The following PAK5 variants were observed in gnomAD, a reference collection of about 807,000 sequenced individuals.
The protein encoded by PAK5 is p21 (RAC1) activated kinase 5.
In PAK5, 16 loss-of-function variants were observed where a neutral mutation model predicts 65.9. That is an observed-to-expected ratio of 0.24 (90% confidence interval 0.16 to 0.37). PAK5 has a LOEUF of 0.37. PAK5 is among the 10% of genes least tolerant of loss of function. The pLI, the probability that PAK5 is intolerant of heterozygous loss-of-function variation, is 1.00. For missense variants in PAK5, 785 were observed against 903.9 expected (o/e 0.87, Z 1.69); for synonymous variants, 371 against 354.9 (o/e 1.05, Z -0.51).
At chr20:9,699,371 C>T (rs1007420533) in intron 2 of PAK5, among the ~76,000 whole-genome samples, 6 of 151,862 alleles carry the variant, frequency 4.0e-5, no homozygotes, top group African/African-American at 1.5e-4. Context: ...CAATTGCTTC[C>T]TTTCAAGGCT....
At chr20:9,726,826 G>T (rs1485244950) in intron 1 of PAK5, among the ~76,000 whole-genome samples, 1 of 151,904 alleles carries the variant, frequency 6.6e-6, no homozygotes, top group Non-Finnish European at 1.5e-5. Flanking sequence ...AGAACTTAAA[G>T]TAAAAGAAAA....
intron 2 of PAK5, among the ~76,000 whole-genome samples, chr20:9,664,491 G>A (rs745979450): frequency 2.0e-5 from 3 of 152,108 alleles, no homozygotes; most frequent in African/African-American, 4.8e-5. Flanking sequence ...CTGACAAACT[G>A]CAATATTACA....
intron 3 of PAK5, among the ~76,000 whole-genome samples, chr20:9,599,707 T>A (rs1357019169): frequency 6.6e-6 from 1 of 152,150 alleles, no homozygotes; most frequent in Non-Finnish European, 1.5e-5. Context: ...GGGCTGTTTC[T>A]TTTTATTGTT....
intron 1 of PAK5, among the ~76,000 whole-genome samples, chr20:9,716,206 T>C (rs2048145389): frequency 1.3e-5 from 1 of 77,318 alleles, no homozygotes; most frequent in Non-Finnish European, 2.7e-5. Context: ...ATTGCTAGGA[T>C]CACTAGGACT....
At chr20:9,799,592 T>C (rs1328033105) in intron 1 of PAK5, among the ~76,000 whole-genome samples, 1 of 152,042 alleles carries the variant, frequency 6.6e-6, no homozygotes, top group South Asian at 2.1e-4. Context: ...GATACCACAG[T>C]GTGAGACAGA....
chr20:9,591,830 G>T (rs2046177107), intron 3 of PAK5, among the ~76,000 whole-genome samples: 2 of 151,202 alleles, frequency 1.3e-5, no homozygotes, highest in South Asian at 4.2e-4. Context: ...TTAAATTTCT[G>T]TTGTTGTTGT....
intron 7 of PAK5, among the ~76,000 whole-genome samples, chr20:9,548,733 C>A (rs527940209): frequency 6.6e-6 from 1 of 152,316 alleles, no homozygotes; most frequent in African/African-American, 2.4e-5. Context: ...GAAGCTCTTT[C>A]TGAAAACATC....
intron 1 of PAK5, among the ~76,000 whole-genome samples, chr20:9,774,731 C>T (rs1569083187): frequency 6.6e-6 from 1 of 151,968 alleles, no homozygotes. Flanking sequence ...ATCACGAGGT[C>T]AGGAGATCGA....
rs137876475 is a variant in PAK5 at position 9,552,138 on chromosome 20, A to G, written c.1743+5470T>C. 3.8e-3 allele frequency among the ~76,000 whole-genome samples: 581 copies of G among 152,328 alleles called. 2 individuals are homozygous for G. Among genetic ancestry groups the G allele is most frequent in the African/African-American group, 0.014 (562 of 41,558 alleles). On this transcript the variant is annotated intron_variant, in intron 7 of 9. Coordinates refer to ENST00000353224, the MANE Select transcript of PAK5 (RefSeq NM_177990.4). ...GGAAGACAGGAATCTGACATTTTAT[A>G]TGACATCTTCCAAGTTTTGATTTGT...
At chr20:9,735,418 G>A (rs1050867628) in intron 1 of PAK5, among the ~76,000 whole-genome samples, 1 of 152,160 alleles carries the variant, frequency 6.6e-6, no homozygotes, top group Admixed American at 6.6e-5. Context: ...TGAGGCTGAG[G>A]AAAGAACCAC....
intron 1 of PAK5, among the ~76,000 whole-genome samples, chr20:9,812,883 A>T (rs1348597127): frequency 6.6e-6 from 1 of 152,172 alleles, no homozygotes; most frequent in Non-Finnish European, 1.5e-5. Context: ...CCCTGATTTG[A>T]TATTACACAT....
chr20:9,724,295 T>G (rs2423438), intron 1 of PAK5, among the ~76,000 whole-genome samples: 73,015 of 151,968 alleles, frequency 0.48, 17,688 homozygotes, highest in South Asian at 0.63. Flanking sequence ...CAAGTGTAAG[T>G]TTTCAAGGCA....
At chr20:9,590,016 C>G (rs949899043) in intron 3 of PAK5, among the ~76,000 whole-genome samples, 2 of 151,770 alleles carry the variant, frequency 1.3e-5, no homozygotes, top group Non-Finnish European at 2.9e-5. Flanking sequence ...AAGACAAGGT[C>G]TTGCTCTGTC....
intron 1 of PAK5, among the ~76,000 whole-genome samples, chr20:9,753,044 G>C (rs545921740): frequency 1.3e-5 from 2 of 152,114 alleles, no homozygotes; most frequent in Admixed American, 6.6e-5. Flanking sequence ...CCTAGAAGAG[G>C]GCAACCCAGA....
At chr20:9,638,920 T>C (rs1373017149) in intron 3 of PAK5, among the ~76,000 whole-genome samples, 2 of 152,232 alleles carry the variant, frequency 1.3e-5, no homozygotes, top group South Asian at 2.1e-4. Flanking sequence ...ACTTCCTCCG[T>C]TGACTGTTTT....
chr20:9,827,694 A>G (rs79205122), intron 1 of PAK5, among the ~76,000 whole-genome samples: 3,150 of 152,286 alleles, frequency 0.021, 81 homozygotes, highest in African/African-American at 0.066. Flanking sequence ...AGATAACAGA[A>G]GATCATTTTG....
chr20:9,553,247 A>G (rs1046807197), intron 7 of PAK5, among the ~76,000 whole-genome samples: 6 of 152,178 alleles, frequency 3.9e-5, no homozygotes, highest in Non-Finnish European at 7.3e-5. Flanking sequence ...TGTGTTGCCA[A>G]CTAGTCAGCT....
intron 3 of PAK5, among the ~76,000 whole-genome samples, chr20:9,598,888 C>T (rs1295985871): frequency 6.6e-6 from 1 of 152,152 alleles, no homozygotes; most frequent in Non-Finnish European, 1.5e-5. Flanking sequence ...ATAAAATTTA[C>T]CATTTTAACT....
At chr20:9,642,820 TA>T (rs2047087321) in intron 3 of PAK5, among the ~76,000 whole-genome samples, 1 of 152,216 alleles carries the variant, frequency 6.6e-6, no homozygotes, top group Non-Finnish European at 1.5e-5. Context: ...TTTGTGTGTG[TA>T]TGTACTTAAC....
Sources: allele counts gnomAD v4.1 joint callset (sites outside exome capture counted in the v4.1 genomes callset), GRCh38; gene constraint gnomAD v4.1.1; transcripts MANE v1.5; gene names NCBI Gene and HGNC (gene_info 2026-07-23, HGNC 2026-07-21).